The following CYP2C19 variants were observed in gnomAD, a reference collection of about 807,000 sequenced individuals.
The protein encoded by CYP2C19 is cytochrome P450 2C19.
Under a neutral mutation model 40.9 loss-of-function variants are expected in CYP2C19, and 59 were observed. The ratio of observed to expected loss-of-function variants is 1.44; its 90% confidence interval spans 1.17 to 1.79. The LOEUF is 1.79. Ranked by LOEUF, CYP2C19 falls within the 40% of genes most tolerant of loss-of-function variation. The probability of loss-of-function intolerance (pLI) is 0.00; values close to 1 mark genes in which losing one functional copy is unlikely to be tolerated. For missense variants in CYP2C19, 754 were observed against 596.9 expected, an observed-to-expected ratio of 1.26 and a Z score of -2.74; for synonymous variants, 253 against 208.7, an observed-to-expected ratio of 1.21 and a Z score of -1.83.
At chr10:94,782,276 A>C (rs1848489469) in intron 5 of CYP2C19, among the ~76,000 whole-genome samples, 1 of 152,158 alleles carries the variant, frequency 6.6e-6, no homozygotes, top group Admixed American at 6.5e-5. Flanking sequence ...TGCAGCTTCC[A>C]GTGAGATCAG....
rs17886522 is a variant in CYP2C19, at chr10:94,850,018, A to C, written c.1251A>C (p.Gly417=). The change falls in exon 8 of 9, where the codon GGA becomes GGC. Residue 417 remains glycine, a synonymous_variant. Transcript: ENST00000371321. ...FDPRHFLDEG[G]NFKKSNYFMP... is the part of the protein sequence containing the mutation. ...CTCGTCACTTTCTGGATGAAGGTGG[A>C]AATTTTAAGAAAAGTAACTACTTCA... 6,549 of 1,613,662 alleles carry C rather than the reference A, an allele frequency of 4.1e-3. 233 individuals are homozygous for C. The East Asian group carries it at 0.089, about 22-fold the overall frequency.
intron 5 of CYP2C19, among the ~76,000 whole-genome samples, chr10:94,787,087 G>A (rs1017008884): frequency 1.3e-5 from 2 of 152,068 alleles, no homozygotes; most frequent in Non-Finnish European, 2.9e-5. Context: ...GCTTTCCATA[G>A]TGGCTGAACT....
intron 5 of CYP2C19, among the ~76,000 whole-genome samples, chr10:94,808,103 GTTGCTAT>G (rs1251373912): frequency 6.6e-6 from 1 of 151,942 alleles, no homozygotes; most frequent in Non-Finnish European, 1.5e-5. Context: ...CAGTTTTCCT[GTTGCTAT>G]TTAATGAAAA....
At chr10:94,766,527 C>T (rs1394724384) in intron 1 of CYP2C19, among the ~76,000 whole-genome samples, 2 of 152,156 alleles carry the variant, frequency 1.3e-5, no homozygotes, top group African/African-American at 4.8e-5. Flanking sequence ...GGTTAATATG[C>T]TGCTTAATAA....
chr10:94,769,887 A>G (rs975801306), intron 1 of CYP2C19, among the ~76,000 whole-genome samples: 1 of 152,154 alleles, frequency 6.6e-6, no homozygotes, highest in African/African-American at 2.4e-5. Context: ...CATGTAGATA[A>G]TAGCTCCAGC....
At chr10:94,785,639 T>C (rs1848530728) in intron 5 of CYP2C19, among the ~76,000 whole-genome samples, 1 of 152,054 alleles carries the variant, frequency 6.6e-6, no homozygotes, top group South Asian at 2.1e-4. Flanking sequence ...AGGCAGAGAG[T>C]AAGCATTTGG....
intron 6 of CYP2C19, among the ~76,000 whole-genome samples, chr10:94,834,818 G>T (rs1410824482): frequency 1.3e-5 from 2 of 152,302 alleles, no homozygotes; most frequent in South Asian, 2.1e-4. Flanking sequence ...GTGTTTAAAG[G>T]TGGAAGTGGT....
intron 1 of CYP2C19, among the ~76,000 whole-genome samples, chr10:94,766,688 T>A (rs916536318): frequency 6.6e-6 from 1 of 152,186 alleles, no homozygotes. Flanking sequence ...GATGTTTCCT[T>A]CTGAAATAAG....
At chr10:94,837,040 G>T (rs527651895) in intron 6 of CYP2C19, among the ~76,000 whole-genome samples, 60 of 145,984 alleles carry the variant, frequency 4.1e-4, no homozygotes, top group African/African-American at 1.5e-3. Context: ...GATGTACAGG[G>T]ATGCAGAAAA....
chr10:94,812,002 G>A (rs896320796), intron 5 of CYP2C19, among the ~76,000 whole-genome samples: 2 of 152,126 alleles, frequency 1.3e-5, no homozygotes, highest in African/African-American at 2.4e-5. Context: ...TGTTTTTGCA[G>A]TGGCTGTTCC....
chr10:94,794,699 CTGTT>C (rs1388972485), intron 5 of CYP2C19, among the ~76,000 whole-genome samples: 5 of 152,004 alleles, frequency 3.3e-5, no homozygotes, highest in African/African-American at 4.8e-5. Context: ...ATTTGGCTCT[CTGTT>C]TGTCTCTTTT....
chr10:94,841,831 T>A (rs1318745397), intron 6 of CYP2C19, among the ~76,000 whole-genome samples: 2 of 152,194 alleles, frequency 1.3e-5, no homozygotes, highest in Admixed American at 1.3e-4. Context: ...GATGGCTAGT[T>A]TTATTACTTG....
intron 4 of CYP2C19, among the ~76,000 whole-genome samples, chr10:94,781,190 A>G (rs149131298): frequency 9.2e-5 from 14 of 152,292 alleles, no homozygotes; most frequent in African/African-American, 3.1e-4. Flanking sequence ...CTGGTTAGGA[A>G]TGAAAAAATT....
In CYP2C19 at chr10:94,853,970, A is replaced by C. The variant is rs1007772803; in HGVS notation, c.*1056A>C. ...AATATATGCTTTCATATTGCTGCTCATGTGTTTTGTCATGCTTCTCTCTTC... is the reference window on the plus strand; with the variant it reads ...AATATATGCTTTCATATTGCTGCTCCTGTGTTTTGTCATGCTTCTCTCTTC... On this transcript the variant is annotated 3_prime_UTR_variant, in exon 9 of 9. Coordinates refer to ENST00000371321, the MANE Select transcript of CYP2C19 (RefSeq NM_000769.4). 2.6e-5 allele frequency among the ~76,000 whole-genome samples: 4 copies of C among 151,918 alleles called. No homozygotes were observed. The highest frequency in any genetic ancestry group is 7.2e-5 in the African/African-American group (3 of 41,380).
chr10:94,836,698 G>C (rs1431324119), intron 6 of CYP2C19, among the ~76,000 whole-genome samples: 1 of 152,208 alleles, frequency 6.6e-6, no homozygotes, highest in Non-Finnish European at 1.5e-5. Flanking sequence ...TGAGGGCCCT[G>C]GTGCCTTTGG....
chr10:94,789,972 A>G (rs1430505993), intron 5 of CYP2C19, among the ~76,000 whole-genome samples: 2 of 152,152 alleles, frequency 1.3e-5, no homozygotes. Flanking sequence ...CTTCCTATCC[A>G]TGAGCATGGA....
intron 6 of CYP2C19, among the ~76,000 whole-genome samples, chr10:94,829,540 C>T (rs778562875): frequency 6.6e-6 from 1 of 152,140 alleles, no homozygotes; most frequent in Admixed American, 6.5e-5. Context: ...ATTGGTTATT[C>T]TAGTTATACC....
In CYP2C19 at chr10:94,775,505, C is replaced by A. The variant is rs1324828665; in HGVS notation, c.447C>A (p.Ala149=). The change falls in exon 3 of 9, where the codon GCC becomes GCA. Residue 149 remains alanine, a synonymous_variant. Coordinates refer to ENST00000371321, the MANE Select transcript of CYP2C19 (RefSeq NM_000769.4). ...RSIEDRVQEE[A]RCLVEELRKT... Reference sequence around the variant, plus strand: ...TTGAGGACCGTGTTCAAGAGGAAGCCCGCTGCCTTGTGGAGGAGTTGAGAA... The same window carrying A: ...TTGAGGACCGTGTTCAAGAGGAAGCACGCTGCCTTGTGGAGGAGTTGAGAA... 6.2e-7 allele frequency: 1 copy of A among 1,613,820 alleles called. No homozygotes were observed. The highest frequency in any genetic ancestry group is 2.2e-5 in the East Asian group (1 of 44,894).
intron 5 of CYP2C19, among the ~76,000 whole-genome samples, chr10:94,806,655 T>C (rs1848840335): frequency 6.8e-6 from 1 of 148,054 alleles, no homozygotes; most frequent in African/African-American, 2.4e-5. Flanking sequence ...ATAATGCAAA[T>C]GTATAATAGT....
Sources: gnomAD v4.1 joint callset for allele counts (sites outside exome capture counted in the v4.1 genomes callset) on GRCh38, gnomAD v4.1.1 for gene constraint, MANE v1.5 for transcripts, NCBI Gene and HGNC (gene_info 2026-07-23, HGNC 2026-07-21) for gene names.